ATM: variants seen among roughly 807,000 people sequenced by gnomAD.
ATM encodes the protein serine-protein kinase ATM.
Under a neutral mutation model 387.0 loss-of-function variants are expected in ATM, and 308 were observed. The ratio of observed to expected loss-of-function variants is 0.80; its 90% CI spans 0.73 to 0.87. ATM has a LOEUF of 0.87. ATM is among the 40% of genes least tolerant of loss of function. The pLI is 0.00. For missense variants in ATM, 3,312 were observed against 3,560.9 expected, an observed-to-expected ratio of 0.93 and a Z score of 1.78; for synonymous variants, 1,156 against 1,187.3, an observed-to-expected ratio of 0.97 and a Z score of 0.54.
Position 108,312,409 on chromosome 11 carries a change from A to G in ATM, c.5919-2A>G, listed in dbSNP as rs746623393. 1 of 1,580,068 alleles carries G rather than the reference A, an allele frequency of 6.3e-7. No homozygotes were observed. Among genetic ancestry groups the G allele is most frequent in the Admixed American group, 1.7e-5 (1 of 59,964 alleles). ...TAAAAGAGGTGTTCTTGTGACAAAC[A>G]GAAGTCTTGCATTTGAAGAAGGAAG... On this transcript the variant is annotated splice_acceptor_variant, in intron 39 of 62. Coordinates refer to ENST00000675843, the MANE Select transcript of ATM (RefSeq NM_000051.4). LOFTEE classifies it high-confidence loss of function.
chr11:108,327,679 G>A lies in ATM; in HGVS notation c.7010G>A (p.Cys2337Tyr), dbSNP rs876658563. 1.9e-6 allele frequency: 3 copies of A among 1,613,968 alleles called. No homozygotes were observed. In the East Asian group the frequency reaches 6.7e-5, roughly 36 times the overall value. ...NPSLKLTYTE[C>Y]LRVCGNWLAE... ...AGCCTAAAACTTACATACACAGAAT[G>A]TCTGAGGGTTTGTGGCAACTGGTTA... is the stretch of plus-strand genomic sequence containing the variant. The change falls in exon 48 of 63, where the codon TGT becomes TAT. Residue 2337 changes from cysteine (C) to tyrosine (Y), a missense_variant. By Grantham distance (194) the Cys-to-Tyr change is radical. Transcript: ENST00000675843.
At chr11:108,267,065 A>C (rs573032147) in intron 16 of ATM, 106 bp from the exon 17 acceptor site, 1 of 1,162,850 alleles carries the variant, frequency 8.6e-7, no homozygotes, top group East Asian at 2.5e-5. Flanking sequence ...CAAATTGCTG[A>C]GATTACAGAT....
intron 43 of ATM, 131 bp downstream of exon 43, chr11:108,317,652 T>TATATATATATATACACACACAC (rs1399501257): frequency 1.4e-4 from 17 of 117,448 alleles, no homozygotes; most frequent in African/African-American, 8.6e-4. Context: ...TATATATATA[T>TATATATATATATACACACACAC]ACACACACAC....
intron 39 of ATM, among the ~76,000 whole-genome samples, chr11:108,311,216 C>T (rs761774132): frequency 3.8e-4 from 58 of 152,122 alleles, no homozygotes; most frequent in Middle Eastern, 3.2e-3. Flanking sequence ...TTCAAGCAGT[C>T]CTCCCACCTC....
intron 37 of ATM, 55 bp downstream of exon 37, chr11:108,304,907 G>T: frequency 1.3e-6 from 2 of 1,576,166 alleles, no homozygotes; most frequent in Non-Finnish European, 8.7e-7. Context: ...AGAGAAAGAT[G>T]GATTTAAGAT....
At chr11:108,231,588 C>T (rs1036317643) in intron 4 of ATM, 4 of 149,690 alleles carry the variant, frequency 2.7e-5, no homozygotes, top group South Asian at 2.1e-4. Context: ...CCCAGCTTCT[C>T]GAGAAGCTGA....
chr11:108,357,114 A>G (rs1187003382), intron 61 of ATM, among the ~76,000 whole-genome samples: 1 of 152,214 alleles, frequency 6.6e-6, no homozygotes, highest in Non-Finnish European at 1.5e-5. Flanking sequence ...GAAGCAGGGC[A>G]AGGCATTGCC....
At chr11:108,298,211 A>C (rs2083227020) in intron 33 of ATM, among the ~76,000 whole-genome samples, 1 of 152,184 alleles carries the variant, frequency 6.6e-6, no homozygotes, top group African/African-American at 2.4e-5. Flanking sequence ...GTCAGCTTGA[A>C]GCTCTCGTGA....
chr11:108,282,681 T>G (rs1274328339), intron 24 of ATM, 29 bp from the exon 25 acceptor site: 4 of 1,605,542 alleles, frequency 2.5e-6, no homozygotes, highest in Non-Finnish European at 3.4e-6. Flanking sequence ...TTCATTTTTC[T>G]TAACACATTG....
chr11:108,257,708 C>T, intron 15 of ATM, 102 bp downstream of exon 15: 5 of 1,198,330 alleles, frequency 4.2e-6, no homozygotes, highest in Non-Finnish European at 6.0e-6. Flanking sequence ...TAGCCTTGAC[C>T]TCCTGGTTTC....
intron 26 of ATM, among the ~76,000 whole-genome samples, chr11:108,285,532 G>A (rs2082447135): frequency 1.3e-5 from 2 of 151,712 alleles, no homozygotes; most frequent in South Asian, 2.1e-4. Flanking sequence ...CCACATTTAT[G>A]TATGTATTTA....
chr11:108,264,002 A>C (rs369080119), intron 16 of ATM, among the ~76,000 whole-genome samples: 56 of 149,716 alleles, frequency 3.7e-4, no homozygotes, highest in Admixed American at 2.0e-3. Context: ...GCTTACCAAC[A>C]AAAAAGAGTC....
At chr11:108,245,208 T>C (rs1480189588) in intron 7 of ATM, among the ~76,000 whole-genome samples, 182 bp downstream of exon 7, 1 of 152,158 alleles carries the variant, frequency 6.6e-6, no homozygotes, top group Non-Finnish European at 1.5e-5. Context: ...TGGTAGCAGA[T>C]TCTGTTATGC....
rs779156037 is a variant in ATM, at chr11:108,304,769, C to T, written c.5591C>T (p.Thr1864Ile). Residue 1864 changes from threonine to isoleucine, a missense_variant, in exon 37 of 63, where the codon ACA (threonine) becomes ATA (isoleucine). Thr to Ile is a moderately conservative substitution (Grantham distance 89, BLOSUM62 -1). Around this residue, in one of 4 missense-constraint regions of ATM, gnomAD observed 1,405 missense variants for 1,604.4 expected, o/e 0.88. Transcript: ENST00000675843. The part of the protein sequence containing the change: ...TNESWRNLLS[T>I]HVQGFFTSCL... ...GAATCATGGAGAAATCTGCTTTCTA[C>T]ACATGTTCAGGGATTTTTCACCAGC... The T allele has an allele frequency of 6.2e-7, 1 of 1,613,976 alleles. No individual in the cohort carries two copies. The highest frequency in any genetic ancestry group is 2.2e-5 in the East Asian group (1 of 44,858).
chr11:108,259,156 G>A lies in ATM; in HGVS notation c.2466+81G>A, dbSNP rs2080707132. ...TTGTTGAAATATCTTTGTAAATAAG[G>A]ATGCATCTCACAACATATAGCTCTT... On this transcript the variant is annotated intron_variant, in intron 16 of 62. Coordinates refer to ENST00000675843, the MANE Select transcript of ATM (RefSeq NM_000051.4). 7 of 1,145,710 alleles carry A rather than the reference G, an allele frequency of 6.1e-6. No individual in the cohort carries two copies. The East Asian group carries it at 1.7e-4, about 28-fold the overall frequency. The allele number at this position is 1,145,710 out of a possible 1,614,324, so 71.0% of individuals were successfully genotyped here.
At position 108,265,567 on chromosome 11, in the gene ATM, G is replaced by A. The variant is rs1431635248; in HGVS notation, c.2467-1604G>A. Among the ~76,000 whole-genome samples the A allele has an allele frequency of 2.0e-5, 3 of 150,244 alleles. No homozygotes were observed. The East Asian group carries it at 5.8e-4, about 29-fold the overall frequency. On this transcript the variant is annotated intron_variant, in intron 16 of 62. Transcript: ENST00000675843. The stretch of plus-strand genomic sequence containing the variant: ...CTAGGCATTACCATTCAGGACATAG[G>A]CATGGGCAAGGACTTCATGTCTAAA...
chr11:108,292,865 T>C, intron 30 of ATM, 72 bp downstream of exon 30: 1 of 1,538,714 alleles, frequency 6.5e-7, no homozygotes, highest in South Asian at 1.1e-5. Context: ...TTGAGTGTTT[T>C]ATGTTTATTT....
chr11:108,365,000 T>G lies in ATM; in HGVS notation c.8851-82T>G, dbSNP rs569796126. On this transcript the variant is annotated intron_variant, in intron 61 of 62. Coordinates refer to ENST00000675843, the MANE Select transcript of ATM (RefSeq NM_000051.4). The stretch of plus-strand genomic sequence containing the variant: ...TCAACTACCATGTGACTGGCTTATT[T>G]GTATGATACTGGTTCTACTGTTTCT... The G allele has an allele frequency of 4.0e-5, 60 of 1,511,526 alleles. No individual in the cohort carries two copies. The South Asian group carries it at 6.3e-4, about 16-fold the overall frequency. The allele number at this position is 1,511,526 out of a possible 1,614,324, so 93.6% of individuals were successfully genotyped here.
intron 16 of ATM, among the ~76,000 whole-genome samples, chr11:108,260,760 T>A (rs1231759783): frequency 6.6e-6 from 1 of 152,086 alleles, no homozygotes; most frequent in East Asian, 1.9e-4. Context: ...TGCCAGACAG[T>A]GGGCGCAGGT....
Sources: allele counts gnomAD v4.1 joint callset (sites outside exome capture counted in the v4.1 genomes callset), GRCh38; gene constraint gnomAD v4.1.1; regional missense constraint gnomAD v4.1.1; transcripts MANE v1.5; gene names NCBI Gene and HGNC (gene_info 2026-07-23, HGNC 2026-07-21).